Variants in REPIN1 observed in about 807,000 individuals in gnomAD.
REPIN1 encodes the protein DNA-binding protein REPIN1.
REPIN1 carries 4 observed loss-of-function variants against 5.7 expected under a neutral mutation model. That is an observed-to-expected ratio of 0.71 (90% confidence interval 0.35 to 1.62). The LOEUF (loss-of-function observed/expected upper bound fraction) is 1.62, where lower values mean the gene tolerates loss of function less well. Ranked by LOEUF, REPIN1 falls within the 40% of genes most tolerant of loss-of-function variation. REPIN1 has a pLI of 0.05. For synonymous variants in REPIN1, 410 were observed against 386.2 expected (o/e 1.06, Z -0.72); for missense variants, 854 against 901.0 (o/e 0.95, Z 0.67).
intron 2 of REPIN1, 57 bp downstream of exon 2, chr7:150,369,925 G>A: frequency 2.6e-6 from 4 of 1,523,056 alleles, no homozygotes; most frequent in Admixed American, 4.3e-5. Context: ...GTGCACGGGC[G>A]TCCCCATCCC....
In REPIN1 at chr7:150,372,493, C is replaced by A; in HGVS notation, c.1423C>A (p.Leu475Met). ...CGKNFGKKTHLVAHSRVHSGE... is the reference protein window; with the variant it reads ...CGKNFGKKTHMVAHSRVHSGE... ...GAAGAACTTCGGCAAGAAGACGCAC[C>A]TGGTGGCGCACTCGCGCGTGCACTC... is the stretch of plus-strand genomic sequence containing the variant. The change falls in exon 3 of 3, where the codon CTG becomes ATG. Residue 475 changes from leucine to methionine, a missense_variant. Physicochemically the swap from Leu to Met is conservative, Grantham distance 15. Transcript: ENST00000489432. The A allele has an allele frequency of 6.5e-7, 1 of 1,546,896 alleles. No homozygotes were observed. The highest frequency in any genetic ancestry group is 2.3e-5 in the East Asian group (1 of 42,732).
Position 150,369,839 on chromosome 7 carries a change from A to G in REPIN1, c.128A>G (p.Lys43Arg). The G allele has an allele frequency of 6.2e-7, 1 of 1,611,352 alleles. No homozygotes were observed. Among genetic ancestry groups the G allele is most frequent in the Non-Finnish European group, 8.5e-7 (1 of 1,177,894 alleles). Residue 43 changes from lysine (K) to arginine (R), a missense_variant, in exon 2 of 3, where the codon AAG (lysine) becomes AGG (arginine). Around this residue, in one of 5 missense-constraint regions of REPIN1, gnomAD observed 409 missense variants for 418.6 expected, o/e 0.98. Coordinates refer to ENST00000489432, the MANE Select transcript of REPIN1 (RefSeq NM_001099695.2). ...AACATCCCCAAGAGGAGCTGGAAAA[A>G]GCCTCATCCCCAGCTCTGCAGTCTC... ...PRNIPKRSWKKPHPQLCSLQA... is the reference protein window; with the variant it reads ...PRNIPKRSWKRPHPQLCSLQA...
chr7:150,372,060 T>C lies in REPIN1; in HGVS notation c.990T>C (p.Phe330=). 3 of 1,604,352 alleles carry C rather than the reference T, an allele frequency of 1.9e-6. No individual in the cohort carries two copies. Among genetic ancestry groups the C allele is most frequent in the Non-Finnish European group, 2.5e-6 (3 of 1,176,632 alleles). Residue 330 remains phenylalanine, a synonymous_variant, in exon 3 of 3, where the codon TTT becomes TTC. Transcript: ENST00000489432. ...PHQCPECGKR[F]TNKPYLTSHR... is the part of the protein sequence containing the mutation. ...AGTGCCCCGAGTGCGGGAAGCGCTT[T>C]ACCAATAAGCCCTATCTGACTTCGC... is the stretch of plus-strand genomic sequence containing the variant.
Position 150,372,526 on chromosome 7 carries a change from C to T in REPIN1, c.1456C>T (p.Arg486Trp). The T allele has an allele frequency of 1.3e-6, 2 of 1,555,710 alleles. No individual in the cohort carries two copies. Among genetic ancestry groups the T allele is most frequent in the Non-Finnish European group, 8.6e-7 (1 of 1,157,642 alleles). ...GCACTCGCGCGTGCACTCCGGCGAG[C>T]GGCCCTTCGCCTGCGAGGAGTGCGG... is the stretch of plus-strand genomic sequence containing the variant. Reference protein sequence around the residue: ...VAHSRVHSGERPFACEECGRR... With the variant: ...VAHSRVHSGEWPFACEECGRR... Residue 486 changes from arginine to tryptophan, a missense_variant, in exon 3 of 3, where the codon CGG (arginine) becomes TGG (tryptophan). Around this residue, in one of 5 missense-constraint regions of REPIN1, gnomAD observed 327 missense variants for 307.8 expected, o/e 1.06. Coordinates refer to ENST00000489432, the MANE Select transcript of REPIN1 (RefSeq NM_001099695.2).
chr7:150,370,114 TTCC>T, intron 2 of REPIN1: 1 of 445,956 alleles, frequency 2.2e-6, no homozygotes, highest in Non-Finnish European at 4.0e-6. Flanking sequence ...AACTGCTTCC[TTCC>T]TCCTTCCGCG....
chr7:150,368,965 G>C, intron 1 of REPIN1, 24 bp downstream of exon 1: 1 of 377,432 alleles, frequency 2.6e-6, no homozygotes, highest in Non-Finnish European at 4.7e-6. Context: ...AGGGGCGCGG[G>C]GCCACCGCGG....
At chr7:150,369,005 C>G in intron 1 of REPIN1, 64 bp downstream of exon 1, 1 of 368,702 alleles carries the variant, frequency 2.7e-6, no homozygotes, top group Non-Finnish European at 4.7e-6. Context: ...ACCTGCGGGG[C>G]GCGTGACCGT....
intron 1 of REPIN1, 173 bp from the exon 2 acceptor site, chr7:150,369,498 C>T (rs541102978): frequency 4.9e-6 from 3 of 609,584 alleles, no homozygotes; most frequent in African/African-American, 3.7e-5. Context: ...TGAAGGGGCA[C>T]ATTCATTTAT....
intron 2 of REPIN1, 25 bp downstream of exon 2, chr7:150,369,893 C>T (rs369115527): frequency 2.9e-5 from 45 of 1,560,174 alleles, no homozygotes; most frequent in Non-Finnish European, 3.8e-5. Context: ...TTGCTGTGCT[C>T]CCAAACCACG....
Position 150,371,862 on chromosome 7 carries a change from C to T in REPIN1, c.792C>T (p.Ala264=), listed in dbSNP as rs752680702. 4.4e-6 allele frequency: 7 copies of T among 1,605,606 alleles called. No homozygotes were observed. Among genetic ancestry groups the T allele is most frequent in the Non-Finnish European group, 5.1e-6 (6 of 1,176,578 alleles). Residue 264 remains alanine (A), a synonymous_variant, in exon 3 of 3, where the codon GCC becomes GCT. Coordinates refer to ENST00000489432, the MANE Select transcript of REPIN1 (RefSeq NM_001099695.2). ...ACGTAGCTGAGGCCCTGGAGGAGGC[C>T]GCAGCCAAGGCTCTGGGGCCCCGGC... ...RVHVAEALEE[A]AAKALGPRPR...
At position 150,369,707 on chromosome 7, in the gene REPIN1, C is replaced by T; in HGVS notation, c.-5C>T. The T allele has an allele frequency of 1.9e-6, 3 of 1,613,940 alleles. No individual in the cohort carries two copies. The highest frequency in any genetic ancestry group is 2.5e-6 in the Non-Finnish European group (3 of 1,179,856). On this transcript the variant is annotated 5_prime_UTR_variant, in exon 2 of 3. Coordinates refer to ENST00000489432, the MANE Select transcript of REPIN1 (RefSeq NM_001099695.2). ...CTCTCTGCAGTCAGAGGTCTGAGCT[C>T]TGCCATGGGGATAGGGGTGTCTTTA...
intron 2 of REPIN1, 151 bp from the exon 3 acceptor site, chr7:150,371,077 C>A: frequency 1.2e-6 from 1 of 843,776 alleles, no homozygotes; most frequent in Non-Finnish European, 1.8e-6. Context: ...ATAATACATA[C>A]CACACAAGGA....
rs1800111480 is a variant in REPIN1 at position 150,373,463 on chromosome 7, G to A, written c.*518G>A. 5.7e-6 allele frequency: 1 copy of A among 175,758 alleles called. No homozygotes were observed. The highest frequency in any genetic ancestry group is 2.4e-5 in the African/African-American group (1 of 41,540). 10.9% of individuals were successfully genotyped at this position (175,758 alleles called of 1,614,324 possible). On this transcript the variant is annotated 3_prime_UTR_variant, in exon 3 of 3. Coordinates refer to ENST00000489432, the MANE Select transcript of REPIN1 (RefSeq NM_001099695.2). ...TGCCAGCAGCAAGAGGTGAAGCGAA[G>A]CCACTCTTACCTCTCCCTTCCCCTC...
chr7:150,372,421 C>T lies in REPIN1; in HGVS notation c.1351C>T (p.Gln451Ter). The change falls in exon 3 of 3, where the codon CAG becomes TAG. Residue 451 changes from glutamine (Q) to a stop codon, truncating the protein, a stop_gained. Transcript: ENST00000489432. LOFTEE classifies it low-confidence loss of function (END_TRUNC). ...FRLERFLRAH[Q>*]RQHTGERPFT... is the part of the protein sequence containing the mutation. ...GCTGGAGCGCTTCCTGCGGGCCCAC[C>T]AGCGGCAGCACACCGGGGAGCGGCC... is the stretch of plus-strand genomic sequence containing the variant. 1 of 1,498,092 alleles carries T rather than the reference C, an allele frequency of 6.7e-7. No individual in the cohort carries two copies. Among genetic ancestry groups the T allele is most frequent in the Non-Finnish European group, 8.8e-7 (1 of 1,131,700 alleles). The allele number at this position is 1,498,092 out of a possible 1,614,324, so 92.8% of individuals were successfully genotyped here. A position where few individuals can be genotyped will look rare whatever the true frequency, so the allele number is the denominator to read the frequency against.
rs960879533 is a variant in REPIN1 at position 150,373,613 on chromosome 7, G to C, written c.*668G>C. On this transcript the variant is annotated 3_prime_UTR_variant, in exon 3 of 3. Coordinates refer to ENST00000489432, the MANE Select transcript of REPIN1 (RefSeq NM_001099695.2). ...CTCCTTGGTCTGTCTCGCTTTATCT[G>C]TCGCCCCTCCCAGCGCTGAGAGCCT... is the stretch of plus-strand genomic sequence containing the variant. 1 of 168,030 alleles carries C rather than the reference G, an allele frequency of 6.0e-6. No individual in the cohort carries two copies. Among genetic ancestry groups the C allele is most frequent in the African/African-American group, 2.4e-5 (1 of 41,450 alleles). The allele number at this position is 168,030 out of a possible 1,614,324, so 10.4% of individuals were successfully genotyped here.
chr7:150,371,202 G>T, intron 2 of REPIN1, 26 bp from the exon 3 acceptor site: 2 of 1,547,134 alleles, frequency 1.3e-6, no homozygotes, highest in Non-Finnish European at 1.7e-6. Flanking sequence ...TTGGTCTCTG[G>T]AGTGACTGTG....
In REPIN1 at chr7:150,371,372, C is replaced by T. The variant is rs928515955; in HGVS notation, c.302C>T (p.Ser101Leu). Residue 101 changes from serine to leucine, a missense_variant, in exon 3 of 3, where the codon TCA becomes TTA. Transcript: ENST00000489432. ...CGCGGGCTGAGGCAACAAGGCACGT[C>T]AGTGGCCCAGTCTGGTGCCCAAGCC... ...ESRGLRQQGT[S>L]VAQSGAQAPG... 8.8e-6 allele frequency: 14 copies of T among 1,593,020 alleles called. No homozygotes were observed. The African/African-American group carries it at 1.2e-4, about 14-fold the overall frequency.
At position 150,371,248 on chromosome 7, in the gene REPIN1, G is replaced by C. The variant is rs748797875; in HGVS notation, c.178G>C (p.Glu60Gln). ...CTCAGCAGAGGAAGAACCGATGCTG[G>C]AACGTCGTTGCAGGGGCCCCCTGGC... ...SLQAEEEPML[E>Q]RRCRGPLAMG... Residue 60 changes from glutamate (E) to glutamine (Q), a missense_variant, in exon 3 of 3, where the codon GAA (glutamate) becomes CAA (glutamine). By Grantham distance (29) the Glu-to-Gln change is conservative (BLOSUM62 2). Coordinates refer to ENST00000489432, the MANE Select transcript of REPIN1 (RefSeq NM_001099695.2). 6.3e-7 allele frequency: 1 copy of C among 1,598,238 alleles called. No homozygotes were observed. The highest frequency in any genetic ancestry group is 8.5e-7 in the Non-Finnish European group (1 of 1,171,804).
chr7:150,370,853 G>A, intron 2 of REPIN1: 1 of 701,492 alleles, frequency 1.4e-6, no homozygotes, highest in Non-Finnish European at 2.6e-6. Flanking sequence ...GGCAGCATAA[G>A]GCACTGTAGG....
Sources: allele counts gnomAD v4.1 joint callset, GRCh38; gene constraint gnomAD v4.1.1; regional missense constraint gnomAD v4.1.1; transcripts MANE v1.5; gene names NCBI Gene and HGNC (gene_info 2026-07-23, HGNC 2026-07-21).